FBXO16: variants seen among roughly 807,000 people sequenced by gnomAD.
FBXO16 encodes F-box only protein 16.
In FBXO16, 31 loss-of-function variants were observed where a neutral mutation model predicts 41.0. That is an observed-to-expected ratio of 0.76 (90% CI 0.57 to 1.02). FBXO16 has a LOEUF of 1.02. Ranked by LOEUF, FBXO16 falls within the 50% of genes least tolerant of loss-of-function variation. FBXO16 has a pLI of 0.00. For synonymous variants in FBXO16, 133 were observed against 117.8 expected, an observed-to-expected ratio of 1.13 and a Z score of -0.84; for missense variants, 361 against 346.2, an observed-to-expected ratio of 1.04 and a Z score of -0.34.
At chr8:28,474,468 AAGG>A (rs933165664) in intron 2 of FBXO16, among the ~76,000 whole-genome samples, 4 of 152,090 alleles carry the variant, frequency 2.6e-5, no homozygotes, top group African/African-American at 7.2e-5. Flanking sequence ...TAGAATTTGA[AAGG>A]AGATGAAAAA....
In FBXO16 at chr8:28,447,225, A is replaced by T. The variant is rs745522032; in HGVS notation, c.789T>A (p.His263Gln). ...QMTPDFSRQS[H>Q]DKKNKLQDRT... ...TGTCCTGCAATTTATTTTTCTTATC[A>T]TGTGACTGTCGGCTGAAGTCTGGGG... The change falls in exon 7 of 9, where the codon CAT becomes CAA. Residue 263 changes from histidine to glutamine, a missense_variant. Physicochemically the swap from His to Gln is conservative, Grantham distance 24 (BLOSUM62 0). Coordinates refer to ENST00000380254, the MANE Select transcript of FBXO16 (RefSeq NM_172366.4). 4.5e-5 allele frequency: 73 copies of T among 1,613,712 alleles called. No homozygotes were observed. The highest frequency in any genetic ancestry group is 1.1e-5 in the South Asian group (1 of 91,076).
At position 28,463,756 on chromosome 8, in the gene FBXO16, C is replaced by T. The variant is rs762182226; in HGVS notation, c.198G>A (p.Ser66=). ...RILTGLLERC[S]LSQQKFCCRK... is the part of the protein sequence containing the mutation. ...GACAGCAGAACTTTTGCTGGGACAG[C>T]GAGCAGCGCTCCAACAGGCCTGTGA... Residue 66 remains serine, a synonymous_variant, in exon 4 of 9, where the codon TCG becomes TCA. Coordinates refer to ENST00000380254, the MANE Select transcript of FBXO16 (RefSeq NM_172366.4). 1.4e-5 allele frequency: 23 copies of T among 1,613,986 alleles called. No individual in the cohort carries two copies. In the East Asian group the frequency reaches 3.6e-4, roughly 25 times the overall value.
chr8:28,470,197 A>C (rs1426426897), intron 3 of FBXO16, among the ~76,000 whole-genome samples: 1 of 152,198 alleles, frequency 6.6e-6, no homozygotes, highest in East Asian at 1.9e-4. Flanking sequence ...CCGTCTTAAA[A>C]AAAAAAAAAT....
intron 7 of FBXO16, among the ~76,000 whole-genome samples, chr8:28,439,912 A>G (rs1328247571): frequency 6.6e-6 from 1 of 152,086 alleles, no homozygotes; most frequent in Admixed American, 6.5e-5. Flanking sequence ...AGTTCAAAGA[A>G]AAAGACTGGA....
intron 6 of FBXO16, among the ~76,000 whole-genome samples, chr8:28,451,748 C>T (rs1470066946): frequency 1.3e-5 from 2 of 151,726 alleles, no homozygotes; most frequent in Non-Finnish European, 2.9e-5. Flanking sequence ...TTTAGGAGGC[C>T]GAGGCATGTG....
chr8:28,428,695 A>G lies in FBXO16; in HGVS notation c.*32T>C. The stretch of plus-strand genomic sequence containing the variant: ...CTGACTCAGGGGGAGGCCAGGCGAG[A>G]TGAGCTGGAACTTTTAGGGGAGAGC... On this transcript the variant is annotated 3_prime_UTR_variant, in exon 9 of 9. Transcript: ENST00000380254. The G allele has an allele frequency of 6.3e-7, 1 of 1,575,510 alleles. No homozygotes were observed.
intron 4 of FBXO16, among the ~76,000 whole-genome samples, chr8:28,458,579 T>C (rs146245116): frequency 7.1e-6 from 1 of 140,698 alleles, no homozygotes; most frequent in Non-Finnish European, 1.5e-5. Flanking sequence ...TGAGACAGAG[T>C]TTTGCCCTTG....
chr8:28,486,767 G>A lies in FBXO16; in HGVS notation c.-16-3305C>T, dbSNP rs191035477. Among the ~76,000 whole-genome samples the A allele has an allele frequency of 7.0e-3, 1,061 of 152,138 alleles. 17 individuals carry two copies. Among genetic ancestry groups the A allele is most frequent in the Non-Finnish European group, 0.01 (711 of 67,942 alleles). ...AGGTGGGAGAATCGTTTGGGCCCAG[G>A]AGGTTGAGGCTGCGGTAAGCTGTGA... On this transcript the variant is annotated intron_variant, in intron 1 of 8. Coordinates refer to ENST00000380254, the MANE Select transcript of FBXO16 (RefSeq NM_172366.4).
intron 3 of FBXO16, among the ~76,000 whole-genome samples, chr8:28,466,033 A>T (rs1165292070): frequency 6.6e-6 from 1 of 152,118 alleles, no homozygotes. Flanking sequence ...TGAGGTCAGG[A>T]GTTCAAGACC....
chr8:28,433,442 C>T (rs867589801), intron 7 of FBXO16, among the ~76,000 whole-genome samples: 3 of 152,180 alleles, frequency 2.0e-5, no homozygotes, highest in African/African-American at 4.8e-5. Context: ...CTTCTGAACT[C>T]GTATACTTGT....
intron 7 of FBXO16, among the ~76,000 whole-genome samples, chr8:28,433,413 G>A (rs1352399884): frequency 6.6e-6 from 1 of 152,186 alleles, no homozygotes; most frequent in Non-Finnish European, 1.5e-5. Context: ...CTGGGCTCCG[G>A]GCCCATCTAT....
intron 2 of FBXO16, among the ~76,000 whole-genome samples, chr8:28,481,862 A>G (rs1344422459): frequency 6.6e-6 from 1 of 151,556 alleles, no homozygotes; most frequent in Non-Finnish European, 1.5e-5. Context: ...GACTTGGGCC[A>G]TTCTTGCAGG....
At chr8:28,485,083 A>C (rs1347669762) in intron 1 of FBXO16, among the ~76,000 whole-genome samples, 1 of 152,152 alleles carries the variant, frequency 6.6e-6, no homozygotes, top group Non-Finnish European at 1.5e-5. Context: ...GGTGGGTTTC[A>C]CAAGGACAGG....
intron 4 of FBXO16, among the ~76,000 whole-genome samples, chr8:28,458,544 C>CTTTTTTTTTTTTTT (rs34617439): frequency 4.8e-4 from 42 of 87,590 alleles, no homozygotes; most frequent in Non-Finnish European, 6.2e-4. Context: ...TCTTCTTCTT[C>CTTTTTTTTTTTTTT]TTTTTTTTTT....
At chr8:28,480,551 C>T (rs1803494510) in intron 2 of FBXO16, among the ~76,000 whole-genome samples, 1 of 151,648 alleles carries the variant, frequency 6.6e-6, no homozygotes, top group Non-Finnish European at 1.5e-5. Flanking sequence ...TGCCCAGGCA[C>T]TGAGTGTAGT....
intron 5 of FBXO16, 57 bp downstream of exon 5, chr8:28,456,709 C>A (rs1347225925): frequency 1.3e-6 from 2 of 1,584,630 alleles, no homozygotes; most frequent in Non-Finnish European, 1.7e-6. Flanking sequence ...ATTCTTAGTT[C>A]TAGAATTTGC....
chr8:28,477,584 A>T (rs565046832), intron 2 of FBXO16, among the ~76,000 whole-genome samples: 9 of 152,346 alleles, frequency 5.9e-5, no homozygotes, highest in African/African-American at 2.2e-4. Flanking sequence ...GTGTGTATGT[A>T]TAATATACGA....
chr8:28,448,367 A>C lies in FBXO16; in HGVS notation c.741-1094T>G, dbSNP rs532842631. 4.1e-4 allele frequency among the ~76,000 whole-genome samples: 62 copies of C among 151,550 alleles called. No homozygotes were observed. The South Asian group carries it at 0.013, about 32-fold the overall frequency. On this transcript the variant is annotated intron_variant, in intron 6 of 8. Transcript: ENST00000380254. The stretch of plus-strand genomic sequence containing the variant: ...AAAAAAAAAAAAAAAAAAAGAAAGA[A>C]AGAAAGAAAAGAAAAAAAAGGAACA...
intron 6 of FBXO16, among the ~76,000 whole-genome samples, chr8:28,451,811 C>T (rs1802958006): frequency 6.6e-6 from 1 of 151,754 alleles, no homozygotes; most frequent in African/African-American, 2.4e-5. Flanking sequence ...GGTGAAACCC[C>T]TGTCTCTACT....
Sources: gnomAD v4.1 joint callset for allele counts (sites outside exome capture counted in the v4.1 genomes callset) on GRCh38, gnomAD v4.1.1 for gene constraint, MANE v1.5 for transcripts, NCBI Gene and HGNC (gene_info 2026-07-23, HGNC 2026-07-21) for gene names.